The following PELI2 variants were observed in gnomAD, a reference collection of about 807,000 sequenced individuals.
PELI2 encodes E3 ubiquitin-protein ligase pellino homolog 2.
PELI2 carries 23 observed loss-of-function variants against 42.3 expected under a neutral mutation model. The ratio of observed to expected loss-of-function variants is 0.54; its 90% CI spans 0.39 to 0.77. The LOEUF (loss-of-function observed/expected upper bound fraction) is 0.77. Ranked by LOEUF, PELI2 falls within the 30% of genes least tolerant of loss-of-function variation. The pLI is 0.00. For synonymous variants in PELI2, 245 were observed against 212.2 expected (o/e 1.15, Z -1.34); for missense variants, 463 against 553.2 (o/e 0.84, Z 1.64).
chr14:56,141,948 A>G (rs1883928016), intron 1 of PELI2, among the ~76,000 whole-genome samples: 1 of 152,188 alleles, frequency 6.6e-6, no homozygotes, highest in South Asian at 2.1e-4. Context: ...ACAAATGCAA[A>G]GGGTGTTGCT....
intron 5 of PELI2, 27 bp from the exon 6 acceptor site, chr14:56,296,573 A>G: frequency 6.7e-7 from 1 of 1,490,192 alleles, no homozygotes; most frequent in Non-Finnish European, 9.1e-7. Flanking sequence ...TTGCTTTTAA[A>G]AGGCATGTGT....
chr14:56,277,368 C>T (rs1228942604), intron 2 of PELI2, among the ~76,000 whole-genome samples: 2 of 151,726 alleles, frequency 1.3e-5, no homozygotes, highest in Admixed American at 6.6e-5. Context: ...ATCTAGGTTG[C>T]GTGTTCCTTA....
chr14:56,254,789 T>C (rs530780265), intron 2 of PELI2, among the ~76,000 whole-genome samples: 1 of 151,894 alleles, frequency 6.6e-6, no homozygotes, highest in Non-Finnish European at 1.5e-5. Context: ...TTAAACAAAT[T>C]TACAAGAAAA....
At chr14:56,158,826 A>G (rs1271446321) in intron 1 of PELI2, among the ~76,000 whole-genome samples, 2 of 152,220 alleles carry the variant, frequency 1.3e-5, no homozygotes, top group Non-Finnish European at 2.9e-5. Flanking sequence ...TATTTGAGGG[A>G]CCACAGATTT....
intron 2 of PELI2, among the ~76,000 whole-genome samples, chr14:56,262,457 A>G (rs1888744754): frequency 1.3e-5 from 2 of 152,064 alleles, no homozygotes; most frequent in South Asian, 4.1e-4. Context: ...ATTTTTTTTC[A>G]TATCAGAGTA....
chr14:56,126,519 G>T (rs1420071947), intron 1 of PELI2, among the ~76,000 whole-genome samples: 1 of 152,166 alleles, frequency 6.6e-6, no homozygotes, highest in African/African-American at 2.4e-5. Flanking sequence ...TATTAGTACT[G>T]GTTTAACAGA....
At chr14:56,228,543 A>T (rs1358192212) in intron 2 of PELI2, among the ~76,000 whole-genome samples, 1 of 152,208 alleles carries the variant, frequency 6.6e-6, no homozygotes, top group Non-Finnish European at 1.5e-5. Flanking sequence ...TTATGGGAAA[A>T]TACACGATTA....
In PELI2 at chr14:56,207,365, T is replaced by C. The variant is rs542190284; in HGVS notation, c.207+28901T>C. Among the ~76,000 whole-genome samples the C allele has an allele frequency of 2.0e-5, 3 of 152,266 alleles. No individual in the cohort carries two copies. In the South Asian group the frequency reaches 6.2e-4, roughly 32 times the overall value. Reference sequence around the variant, plus strand: ...ATTATTTAATTGCTCCAACAGATATTTTTTGATCACCTACTATGTACCAGA... The same window carrying C: ...ATTATTTAATTGCTCCAACAGATATCTTTTGATCACCTACTATGTACCAGA... On this transcript the variant is annotated intron_variant, in intron 2 of 5. Transcript: ENST00000267460.
intron 2 of PELI2, among the ~76,000 whole-genome samples, chr14:56,201,674 T>A (rs987947515): frequency 6.6e-6 from 1 of 152,230 alleles, no homozygotes; most frequent in Non-Finnish European, 1.5e-5. Flanking sequence ...AACTGCTAAA[T>A]GTCTTTTGCT....
At chr14:56,135,675 G>A (rs1595544849) in intron 1 of PELI2, among the ~76,000 whole-genome samples, 1 of 152,252 alleles carries the variant, frequency 6.6e-6, no homozygotes, top group Non-Finnish European at 1.5e-5. Flanking sequence ...TTCAAAATCT[G>A]GAACTGTTGT....
chr14:56,161,162 A>ATTAT (rs1297246466), intron 1 of PELI2, among the ~76,000 whole-genome samples: 2 of 152,208 alleles, frequency 1.3e-5, no homozygotes, highest in Admixed American at 1.3e-4. Flanking sequence ...ATGCCAGGAA[A>ATTAT]TAGCCCCTCA....
chr14:56,298,669 T>G lies in PELI2; in HGVS notation c.*1503T>G, dbSNP rs1174425511. 1 of 152,664 alleles carries G rather than the reference T, an allele frequency of 6.6e-6. No individual in the cohort carries two copies. Among genetic ancestry groups the G allele is most frequent in the Non-Finnish European group, 1.5e-5 (1 of 68,034 alleles). The allele number at this position is 152,664 out of a possible 1,614,324, so 9.5% of individuals were successfully genotyped here. On this transcript the variant is annotated 3_prime_UTR_variant, in exon 6 of 6. Coordinates refer to ENST00000267460, the MANE Select transcript of PELI2 (RefSeq NM_021255.3). ...CCTACTGGCAAATATTTTGCCTATT[T>G]TCAGTCGTTCTAACCTATTTGAATA...
chr14:56,199,644 TG>T (rs1886260971), intron 2 of PELI2, among the ~76,000 whole-genome samples: 1 of 152,254 alleles, frequency 6.6e-6, no homozygotes, highest in African/African-American at 2.4e-5. Flanking sequence ...TTCAGTTTAA[TG>T]GCTACTTTGA....
chr14:56,265,181 A>C (rs1888850924), intron 2 of PELI2, among the ~76,000 whole-genome samples: 1 of 152,148 alleles, frequency 6.6e-6, no homozygotes, highest in Non-Finnish European at 1.5e-5. Context: ...AAATTGCCAA[A>C]ACTGCTTTGA....
At chr14:56,137,968 G>A (rs1883744403) in intron 1 of PELI2, among the ~76,000 whole-genome samples, 1 of 152,182 alleles carries the variant, frequency 6.6e-6, no homozygotes, top group Non-Finnish European at 1.5e-5. Flanking sequence ...AAGCTCCCAG[G>A]TGCACATTTC....
At chr14:56,171,277 A>G (rs538311394) in intron 1 of PELI2, among the ~76,000 whole-genome samples, 4 of 152,234 alleles carry the variant, frequency 2.6e-5, no homozygotes, top group African/African-American at 9.6e-5. Flanking sequence ...TTATATCAGG[A>G]ATGGGTTCCT....
Position 56,288,374 on chromosome 14 carries a change from G to T in PELI2, c.310-63G>T. ...AAGGAATCCTGAATGCTTTTTCCTT[G>T]TGAATAAAATACGGCACCCTGCTAT... On this transcript the variant is annotated intron_variant, in intron 3 of 5. Coordinates refer to ENST00000267460, the MANE Select transcript of PELI2 (RefSeq NM_021255.3). The surrounding 1 kb of genome is among the most constrained non-coding windows in gnomAD (Gnocchi z 4.6). The T allele has an allele frequency of 1.6e-6, 2 of 1,268,418 alleles. No individual in the cohort carries two copies. Among genetic ancestry groups the T allele is most frequent in the South Asian group, 2.5e-5 (2 of 78,506 alleles). The allele number at this position is 1,268,418 out of a possible 1,614,324, so 78.6% of individuals were successfully genotyped here.
chr14:56,281,916 T>G (rs1889494504), intron 3 of PELI2, among the ~76,000 whole-genome samples: 1 of 152,142 alleles, frequency 6.6e-6, no homozygotes, highest in African/African-American at 2.4e-5. Context: ...GTCAAAGATA[T>G]GGGGAAAACA....
At chr14:56,190,200 A>G (rs1211363414) in intron 2 of PELI2, among the ~76,000 whole-genome samples, 1 of 152,204 alleles carries the variant, frequency 6.6e-6, no homozygotes, top group Admixed American at 6.5e-5. Context: ...AGTTTTTCCC[A>G]GCATTAAATT....
Sources: gnomAD v4.1 joint callset for allele counts (sites outside exome capture counted in the v4.1 genomes callset) on GRCh38, gnomAD v4.1.1 for gene constraint, Gnocchi (gnomAD v3.1) non-coding constraint, MANE v1.5 for transcripts, NCBI Gene and HGNC (gene_info 2026-07-23, HGNC 2026-07-21) for gene names.